Variants in CSMD1 observed in about 807,000 individuals in gnomAD.
CSMD1 encodes the protein CUB and sushi domain-containing protein 1.
CSMD1 carries 213 observed loss-of-function variants against 417.5 expected under a neutral mutation model. The ratio of observed to expected loss-of-function variants is 0.51; its 90% confidence interval spans 0.46 to 0.57. The LOEUF (loss-of-function observed/expected upper bound fraction) is 0.57. Ranked by LOEUF, CSMD1 falls within the 20% of genes least tolerant of loss-of-function variation. The pLI is 0.00. For synonymous variants in CSMD1, 2,862 were observed against 1,736.8 expected, an observed-to-expected ratio of 1.65 and a Z score of -16.11; for missense variants, 6,923 against 4,529.7, an observed-to-expected ratio of 1.53 and a Z score of -15.17.
intron 3 of CSMD1, among the ~76,000 whole-genome samples, chr8:4,067,089 G>C (rs1022175158): frequency 6.6e-6 from 1 of 152,190 alleles, no homozygotes; most frequent in Non-Finnish European, 1.5e-5. Context: ...ACAGAGAAGG[G>C]TACAAGGCTC....
intron 1 of CSMD1, among the ~76,000 whole-genome samples, chr8:4,751,279 G>T (rs1393492201): frequency 6.6e-6 from 1 of 152,102 alleles, no homozygotes; most frequent in African/African-American, 2.4e-5. Context: ...CAGCTACTTG[G>T]GAGGCTGAGG....
At chr8:3,928,769 TCCCACCCACCCCG>T (rs1809930063) in intron 5 of CSMD1, among the ~76,000 whole-genome samples, 2 of 138,104 alleles carry the variant, frequency 1.4e-5, no homozygotes, top group Non-Finnish European at 3.1e-5. Context: ...GTGGTCCAGA[TCCCACCCACCCCG>T]CCCACCCCCG....
At position 3,000,054 on chromosome 8, in the gene CSMD1, C is replaced by A. The variant is rs1295280105; in HGVS notation, c.8107G>T (p.Val2703Phe). The change falls in exon 53 of 70, where the codon GTT becomes TTT. Residue 2703 changes from valine to phenylalanine, a missense_variant. Physicochemically the swap from Val to Phe is conservative, Grantham distance 50. Coordinates refer to ENST00000635120, the MANE Select transcript of CSMD1 (RefSeq NM_033225.6). ...GDGFSYRDTVVYQCNPGFRLV... is the reference protein window; with the variant it reads ...GDGFSYRDTVFYQCNPGFRLV... ...CGGAAACCAGGATTGCACTGGTAAA[C>A]CACCGTGTCTCTGTAACTGAAGCCA... The A allele has an allele frequency of 6.2e-7, 1 of 1,604,390 alleles. No individual in the cohort carries two copies. The highest frequency in any genetic ancestry group is 8.5e-7 in the Non-Finnish European group (1 of 1,178,026).
intron 1 of CSMD1, among the ~76,000 whole-genome samples, chr8:4,834,271 T>G (rs899019814): frequency 1.3e-5 from 2 of 152,194 alleles, no homozygotes. Context: ...ATCAAGTATC[T>G]ACCGAAAATC....
At chr8:3,664,111 C>G (rs1164732772) in intron 7 of CSMD1, among the ~76,000 whole-genome samples, 5 of 152,084 alleles carry the variant, frequency 3.3e-5, no homozygotes, top group African/African-American at 1.2e-4. Flanking sequence ...ACACATGTGC[C>G]ATGTTGGTTT....
intron 3 of CSMD1, among the ~76,000 whole-genome samples, chr8:4,069,484 G>C (rs1205025691): frequency 2.0e-5 from 3 of 152,288 alleles, no homozygotes; most frequent in South Asian, 2.1e-4. Flanking sequence ...CTCTAGGTAA[G>C]TAAATGTGCA....
Position 3,279,343 on chromosome 8 carries a change from T to C in CSMD1, c.4153+4801A>G, listed in dbSNP as rs73501908. 4.4e-3 allele frequency among the ~76,000 whole-genome samples: 671 copies of C among 152,294 alleles called. 4 individuals are homozygous for C. Among genetic ancestry groups the C allele is most frequent in the African/African-American group, 0.016 (647 of 41,572 alleles). On this transcript the variant is annotated intron_variant, in intron 26 of 69. Transcript: ENST00000635120. ...CAAAATTGGCAGCAGATTTTAAAAA[T>C]AGACTGGTATTGGACTTCTTGTCAA...
Position 3,299,231 on chromosome 8 carries a change from C to A in CSMD1, c.3950+8464G>T, listed in dbSNP as rs571537556. ...TTTTGGGAGGCCGAGGTGGGTGGAT[C>A]GCCTGAGGTCAGGAGTTCGAGACCA... On this transcript the variant is annotated intron_variant, in intron 25 of 69. Transcript: ENST00000635120. Among the ~76,000 whole-genome samples the A allele has an allele frequency of 1.1e-4, 16 of 152,162 alleles. No individual in the cohort carries two copies. The South Asian group carries it at 1.5e-3, about 14-fold the overall frequency.
At chr8:4,947,122 A>C (rs1209912040) in intron 1 of CSMD1, among the ~76,000 whole-genome samples, 1 of 152,212 alleles carries the variant, frequency 6.6e-6, no homozygotes, top group African/African-American at 2.4e-5. Context: ...ACTTGTATCC[A>C]TCTGTGCATA....
rs573131998 is a variant in CSMD1, at chr8:4,415,766, T to G, written c.415+4187A>C. ...CCACTTACACTTGTGCACGTATAAG[T>G]ATGGATAGCAATGTGTATGAGCACA... On this transcript the variant is annotated intron_variant, in intron 3 of 69. Coordinates refer to ENST00000635120, the MANE Select transcript of CSMD1 (RefSeq NM_033225.6). Among the ~76,000 whole-genome samples, 8 of 152,330 alleles carry G rather than the reference T, an allele frequency of 5.3e-5. No individual in the cohort carries two copies. In the East Asian group the frequency reaches 1.5e-3, roughly 29 times the overall value.
intron 6 of CSMD1, among the ~76,000 whole-genome samples, chr8:3,740,573 GCA>G (rs1204200489): frequency 6.6e-6 from 1 of 152,152 alleles, no homozygotes; most frequent in Non-Finnish European, 1.5e-5. Flanking sequence ...AAGTTATATG[GCA>G]CACACAGGAA....
intron 3 of CSMD1, among the ~76,000 whole-genome samples, chr8:4,213,078 G>C (rs1453319152): frequency 6.6e-6 from 1 of 152,136 alleles, no homozygotes; most frequent in African/African-American, 2.4e-5. Flanking sequence ...TAATGTCTAA[G>C]ATGGAAGAAT....
chr8:4,903,924 C>T (rs913970000), intron 1 of CSMD1, among the ~76,000 whole-genome samples: 3 of 152,206 alleles, frequency 2.0e-5, no homozygotes, highest in Non-Finnish European at 4.4e-5. Context: ...ACTATATTTC[C>T]TTGAGCCTAT....
At chr8:3,324,824 T>C (rs1038773831) in intron 23 of CSMD1, among the ~76,000 whole-genome samples, 4 of 152,342 alleles carry the variant, frequency 2.6e-5, no homozygotes, top group African/African-American at 4.8e-5. Context: ...ATGGTGCTAA[T>C]TGTATCACTT....
chr8:3,207,007 C>A (rs574461458), intron 30 of CSMD1, among the ~76,000 whole-genome samples: 3 of 152,236 alleles, frequency 2.0e-5, no homozygotes, highest in East Asian at 3.9e-4. Context: ...CCTTACCATG[C>A]TGGCTGTGGC....
intron 6 of CSMD1, among the ~76,000 whole-genome samples, chr8:3,730,893 C>A (rs931176): frequency 6.6e-6 from 1 of 152,056 alleles, no homozygotes; most frequent in Non-Finnish European, 1.5e-5. Flanking sequence ...CACTATAATA[C>A]GTAGACCAAT....
chr8:3,127,532 T>A (rs1404847832), intron 41 of CSMD1: 1 of 152,192 alleles, frequency 6.6e-6, no homozygotes, highest in Non-Finnish European at 1.5e-5. Context: ...AAAATTGGTA[T>A]AACAAACTAT....
At chr8:3,274,165 C>G (rs1484082168) in intron 26 of CSMD1, among the ~76,000 whole-genome samples, 1 of 151,696 alleles carries the variant, frequency 6.6e-6, no homozygotes, top group African/African-American at 2.4e-5. Flanking sequence ...ATCTTTATTT[C>G]TGCCTTCATT....
At chr8:3,691,372 AAAAAACAAAACAAAAAAACAAAAAAC>A (rs1800234132) in intron 7 of CSMD1, among the ~76,000 whole-genome samples, 3 of 152,050 alleles carry the variant, frequency 2.0e-5, no homozygotes, top group African/African-American at 7.2e-5. Context: ...GTCTCAAAAA[AAAAAACAAAACAAAAAAACAAAAAAC>A]AAAAACAAAA....
Sources: gnomAD v4.1 joint callset for allele counts (sites outside exome capture counted in the v4.1 genomes callset) on GRCh38, gnomAD v4.1.1 for gene constraint, MANE v1.5 for transcripts, NCBI Gene and HGNC (gene_info 2026-07-23, HGNC 2026-07-21) for gene names.